Variants in DAPK1 observed in about 807,000 individuals in gnomAD.
The protein encoded by DAPK1 is death associated protein kinase 1, also known as death-associated protein kinase 1.
Under a neutral mutation model 144.9 loss-of-function variants are expected in DAPK1, and 56 were observed. That is an observed-to-expected ratio of 0.39 (90% CI 0.31 to 0.48). The LOEUF is 0.48. Ranked by LOEUF, DAPK1 falls within the 20% of genes least tolerant of loss-of-function variation. The pLI is 0.95. For missense variants in DAPK1, 1,454 were observed against 1,875.4 expected (o/e 0.78, Z 4.15); for synonymous variants, 690 against 749.0 (o/e 0.92, Z 1.29).
intron 2 of DAPK1, among the ~76,000 whole-genome samples, chr9:87,544,132 A>C (rs1229001417): frequency 6.6e-6 from 1 of 152,122 alleles, no homozygotes; most frequent in Non-Finnish European, 1.5e-5. Context: ...GAAAAATGAG[A>C]AATCACCCAT....
intron 3 of DAPK1, among the ~76,000 whole-genome samples, chr9:87,631,056 G>A (rs181433850): frequency 1.3e-5 from 2 of 152,064 alleles, no homozygotes; most frequent in Non-Finnish European, 2.9e-5. Flanking sequence ...TGGAGCTGGC[G>A]CCTCTGCCTC....
chr9:87,618,665 C>T (rs1829183700), intron 3 of DAPK1, among the ~76,000 whole-genome samples: 1 of 152,156 alleles, frequency 6.6e-6, no homozygotes, highest in South Asian at 2.1e-4. Flanking sequence ...ATAGACCACC[C>T]ACCCTATGAT....
intron 2 of DAPK1, among the ~76,000 whole-genome samples, chr9:87,556,026 G>A (rs1826701295): frequency 6.6e-6 from 1 of 152,232 alleles, no homozygotes; most frequent in Admixed American, 6.5e-5. Flanking sequence ...GTATTATGAA[G>A]GAAGAAGCAA....
At chr9:87,542,308 C>T (rs752114832) in intron 2 of DAPK1, among the ~76,000 whole-genome samples, 1 of 152,212 alleles carries the variant, frequency 6.6e-6, no homozygotes, top group African/African-American at 2.4e-5. Context: ...TCTTATAGAT[C>T]ATCTCTGAAT....
chr9:87,505,435 G>A (rs1457897822), intron 2 of DAPK1, among the ~76,000 whole-genome samples: 2 of 152,114 alleles, frequency 1.3e-5, no homozygotes, highest in Non-Finnish European at 2.9e-5. Flanking sequence ...TCACTCTGTT[G>A]CCCAGGCTAG....
Position 87,706,431 on chromosome 9 carries a change from G to A in DAPK1, c.3360G>A (p.Glu1120=). ...DNLHRSWADE[E]DEVMVYGGVR... ...TGCACCGCTCCTGGGCTGATGAGGA[G>A]GACGAGGTGATGGTGTATGGTGGCG... is the stretch of plus-strand genomic sequence containing the variant. Residue 1120 remains glutamate, a synonymous_variant, in exon 26 of 26, where the codon GAG becomes GAA. Coordinates refer to ENST00000408954, the MANE Select transcript of DAPK1 (RefSeq NM_004938.4). This position sits in a 1 kb window ranked among gnomAD's most constrained non-coding sequence, Gnocchi z 9.0. 6.2e-7 allele frequency: 1 copy of A among 1,613,456 alleles called. No homozygotes were observed. The highest frequency in any genetic ancestry group is 1.3e-5 in the African/African-American group (1 of 75,036).
intron 2 of DAPK1, among the ~76,000 whole-genome samples, chr9:87,554,660 A>C (rs554844177): frequency 4.6e-5 from 7 of 152,308 alleles, no homozygotes; most frequent in African/African-American, 1.7e-4. Context: ...AGTTGCTCCT[A>C]TAGTCAGGAG....
intron 2 of DAPK1, among the ~76,000 whole-genome samples, chr9:87,567,465 C>T (rs1334956995): frequency 6.6e-6 from 1 of 152,162 alleles, no homozygotes; most frequent in Non-Finnish European, 1.5e-5. Flanking sequence ...TCTTTCCATC[C>T]TCCTGTGTTT....
intron 2 of DAPK1, among the ~76,000 whole-genome samples, chr9:87,567,570 G>T (rs1004421211): frequency 6.6e-6 from 1 of 152,146 alleles, no homozygotes. Flanking sequence ...AATTAGGCTC[G>T]GTTGTGAGGA....
At chr9:87,586,142 G>T (rs1322788920) in intron 2 of DAPK1, among the ~76,000 whole-genome samples, 1 of 152,088 alleles carries the variant, frequency 6.6e-6, no homozygotes, top group Non-Finnish European at 1.5e-5. Context: ...ACAAAAATTA[G>T]CCAGATATGA....
At chr9:87,628,823 A>G (rs1157338853) in intron 3 of DAPK1, among the ~76,000 whole-genome samples, 1 of 152,242 alleles carries the variant, frequency 6.6e-6, no homozygotes, top group African/African-American at 2.4e-5. Flanking sequence ...TCTGACCTGA[A>G]TTAAAACATT....
chr9:87,668,644 C>A lies in DAPK1; in HGVS notation c.1971C>A (p.His657Gln). The change falls in exon 19 of 26, where the codon CAC becomes CAA. Residue 657 changes from histidine (H) to glutamine (Q), a missense_variant. His to Gln is a conservative substitution (Grantham distance 24). Transcript: ENST00000408954. Reference protein sequence around the residue: ...EDLARSEQHEHVAGLLARLRK... With the variant: ...EDLARSEQHEQVAGLLARLRK... ...TTGCTAGATCGGAACAGCACGAGCA[C>A]GTAGCAGGTCTCCTTGCAAGACTTC... 1.4e-6 allele frequency: 2 copies of A among 1,457,298 alleles called. No individual in the cohort carries two copies. Among genetic ancestry groups the A allele is most frequent in the Non-Finnish European group, 1.9e-6 (2 of 1,036,740 alleles). The allele number at this position is 1,457,298 out of a possible 1,614,324, so 90.3% of individuals were successfully genotyped here.
At chr9:87,553,029 A>C (rs567512540) in intron 2 of DAPK1, among the ~76,000 whole-genome samples, 1 of 152,186 alleles carries the variant, frequency 6.6e-6, no homozygotes, top group Non-Finnish European at 1.5e-5. Flanking sequence ...CTGTGTATCC[A>C]TTAAATACTA....
chr9:87,537,024 G>A (rs1825883293), intron 2 of DAPK1, among the ~76,000 whole-genome samples: 1 of 150,788 alleles, frequency 6.6e-6, no homozygotes, highest in East Asian at 1.9e-4. Flanking sequence ...GTCTCACACA[G>A]TCACCCAGTC....
Position 87,706,176 on chromosome 9 carries a change from G to C in DAPK1, c.3105G>C (p.Leu1035=), listed in dbSNP as rs376214759. 137 of 1,610,304 alleles carry C rather than the reference G, an allele frequency of 8.5e-5. No individual in the cohort carries two copies. In the African/African-American group the frequency reaches 1.8e-3, roughly 21 times the overall value. Residue 1035 remains leucine, a synonymous_variant, in exon 26 of 26, where the codon CTG becomes CTC. Coordinates refer to ENST00000408954, the MANE Select transcript of DAPK1 (RefSeq NM_004938.4). The surrounding 1 kb of genome is among the most constrained non-coding windows in gnomAD (Gnocchi z 9.0). ...QSETVQDVLL[L]DPRWLCTNVL... is the part of the protein sequence containing the mutation. Reference sequence around the variant, plus strand: ...AAACAGTTCAGGACGTGCTGCTCCTGGACCCCCGCTGGCTCTGCACAAACG... The same window carrying C: ...AAACAGTTCAGGACGTGCTGCTCCTCGACCCCCGCTGGCTCTGCACAAACG...
rs370362753 is a variant in DAPK1 at position 87,677,713 on chromosome 9, G to A, written c.2002-3691G>A. On this transcript the variant is annotated intron_variant, in intron 19 of 25. Transcript: ENST00000408954. ...ATGGGGAAGTTTGCATCTACCCTGT[G>A]GGATGCTCACCATGGAAGGTGACCA... Among the ~76,000 whole-genome samples the A allele has an allele frequency of 5.9e-5, 9 of 152,186 alleles. No homozygotes were observed. The East Asian group carries it at 1.2e-3, about 20-fold the overall frequency.
rs1564001003 is a variant in DAPK1, at chr9:87,571,493, A to ACACACACAC, written c.63-33460_63-33459insACACACACC. On this transcript the variant is annotated intron_variant, in intron 2 of 25. Transcript: ENST00000408954. ...CACACACCAACACACACACACACACACCCCAACACACACACACACACACAC... is the reference window on the plus strand; with the variant it reads ...CACACACCAACACACACACACACACACACACACACCCCCAACACACACACACACACACAC... Among the ~76,000 whole-genome samples, 157 of 47,028 alleles carry ACACACACAC rather than the reference A, an allele frequency of 3.3e-3. 7 individuals carry two copies. Among genetic ancestry groups the ACACACACAC allele is most frequent in the Non-Finnish European group, 4.3e-3 (115 of 26,656 alleles). 30.9% of individuals were successfully genotyped at this position (47,028 alleles called of 152,430 possible).
In DAPK1 at chr9:87,708,118, C is replaced by T. The variant is rs2118146471; in HGVS notation, c.*754C>T. 1.1e-5 allele frequency: 3 copies of T among 267,012 alleles called. No homozygotes were observed. The South Asian group carries it at 1.2e-4, about 11-fold the overall frequency. The allele number at this position is 267,012 out of a possible 1,614,324, so 16.5% of individuals were successfully genotyped here. A position where few individuals can be genotyped will look rare whatever the true frequency, so the allele number is the denominator to read the frequency against. On this transcript the variant is annotated 3_prime_UTR_variant, in exon 26 of 26. Transcript: ENST00000408954. ...GGTGATTTTATGATCAGTGTTGTTG[C>T]TCTAGGAAGACATTTTTCCGTTTGC...
intron 3 of DAPK1, among the ~76,000 whole-genome samples, chr9:87,636,344 G>A (rs1183480194): frequency 1.3e-5 from 2 of 152,176 alleles, no homozygotes; most frequent in African/African-American, 4.8e-5. Flanking sequence ...CAGGCCCCTG[G>A]GGATAGGAGA....
Sources: gnomAD v4.1 joint callset for allele counts (sites outside exome capture counted in the v4.1 genomes callset) on GRCh38, gnomAD v4.1.1 for gene constraint, Gnocchi (gnomAD v3.1) non-coding constraint, MANE v1.5 for transcripts, NCBI Gene and HGNC (gene_info 2026-07-23, HGNC 2026-07-21) for gene names.